Variants in MANBAL observed in about 807,000 individuals in gnomAD.
The protein encoded by MANBAL is protein MANBAL.
A neutral mutation model predicts 6.4 loss-of-function variants in MANBAL; 1 was observed. The observed-to-expected ratio is 0.16, with a 90% CI of 0.06 to 0.74. The LOEUF (loss-of-function observed/expected upper bound fraction) is 0.74. Among genes scored for constraint, MANBAL ranks in the 30% least tolerant of loss-of-function variants. The pLI is 0.78. For synonymous variants in MANBAL, 47 were observed against 45.8 expected (o/e 1.03, Z -0.10); for missense variants, 100 against 107.8 (o/e 0.93, Z 0.32).
chr20:37,299,231 C>T (rs1436366988), intron 1 of MANBAL, among the ~76,000 whole-genome samples: 1 of 151,908 alleles, frequency 6.6e-6, no homozygotes, highest in Non-Finnish European at 1.5e-5. Context: ...GAGTGAGCCA[C>T]CACTCCTGCC....
intron 2 of MANBAL, among the ~76,000 whole-genome samples, chr20:37,301,782 AC>A (rs2069143248): frequency 6.6e-6 from 1 of 152,164 alleles, no homozygotes; most frequent in African/African-American, 2.4e-5. Flanking sequence ...ACCTGATCTT[AC>A]CCTGGGCTGT....
Position 37,317,219 on chromosome 20 carries a change from T to C in MANBAL, c.*804T>C, listed in dbSNP as rs2069542923. 6.5e-6 allele frequency: 1 copy of C among 152,674 alleles called. No homozygotes were observed. Among genetic ancestry groups the C allele is most frequent in the African/African-American group, 2.4e-5 (1 of 41,442 alleles). The allele number at this position is 152,674 out of a possible 1,614,324, so 9.5% of individuals were successfully genotyped here. ...ATTCCCTGACCAGTGAGAGGGTTCCTGGGGGAAGTATGGTGAATAAACTGA... is the reference window on the plus strand; with the variant it reads ...ATTCCCTGACCAGTGAGAGGGTTCCCGGGGGAAGTATGGTGAATAAACTGA... On this transcript the variant is annotated 3_prime_UTR_variant, in exon 3 of 3. Transcript: ENST00000373606.
intron 1 of MANBAL, among the ~76,000 whole-genome samples, chr20:37,295,594 G>A (rs1274228148): frequency 6.6e-6 from 1 of 152,154 alleles, no homozygotes; most frequent in Non-Finnish European, 1.5e-5. Context: ...CTGGGTAAGC[G>A]CCCTGACTCT....
chr20:37,293,197 CT>C, intron 1 of MANBAL, among the ~76,000 whole-genome samples: 1 of 152,214 alleles, frequency 6.6e-6, no homozygotes, highest in South Asian at 2.1e-4. Flanking sequence ...TTATTGTGCA[CT>C]TTATTTCTGT....
At chr20:37,314,213 G>T (rs2069452805) in intron 2 of MANBAL, among the ~76,000 whole-genome samples, 1 of 152,184 alleles carries the variant, frequency 6.6e-6, no homozygotes. Flanking sequence ...ACAGTGGGGA[G>T]CAGAGAGAGG....
intron 2 of MANBAL, among the ~76,000 whole-genome samples, chr20:37,303,554 C>T (rs918982447): frequency 1.3e-5 from 2 of 152,124 alleles, no homozygotes; most frequent in African/African-American, 2.4e-5. Context: ...GATGTATCTG[C>T]TAGATCCTAC....
intron 1 of MANBAL, among the ~76,000 whole-genome samples, chr20:37,300,606 CAACAA>C (rs769753504): frequency 6.6e-6 from 1 of 152,146 alleles, no homozygotes. Context: ...AATAAATAAA[CAACAA>C]AACCTGAAAC....
At chr20:37,292,137 T>C (rs1414403464) in intron 1 of MANBAL, among the ~76,000 whole-genome samples, 1 of 152,240 alleles carries the variant, frequency 6.6e-6, no homozygotes, top group Non-Finnish European at 1.5e-5. Flanking sequence ...CACTGTACTT[T>C]TGGAGAAAGT....
chr20:37,302,901 A>G (rs951865389), intron 2 of MANBAL, among the ~76,000 whole-genome samples: 5 of 152,040 alleles, frequency 3.3e-5, no homozygotes. Context: ...TGGTTCAATA[A>G]GATGTCACAG....
At chr20:37,312,369 T>G (rs1439608151) in intron 2 of MANBAL, among the ~76,000 whole-genome samples, 4 of 152,068 alleles carry the variant, frequency 2.6e-5, no homozygotes, top group Non-Finnish European at 5.9e-5. Context: ...GAGAGTAGAT[T>G]TCATAGTTAA....
chr20:37,297,652 T>C (rs1484560611), intron 1 of MANBAL: 2 of 155,618 alleles, frequency 1.3e-5, no homozygotes, highest in African/African-American at 4.8e-5. Context: ...AGGCCTTTTT[T>C]TTTTTTTGAG....
At chr20:37,307,139 AT>A (rs1314772803) in intron 2 of MANBAL, among the ~76,000 whole-genome samples, 1 of 151,924 alleles carries the variant, frequency 6.6e-6, no homozygotes, top group Non-Finnish European at 1.5e-5. Context: ...TTTTTAAATA[AT>A]TTTTTTGTAG....
intron 2 of MANBAL, among the ~76,000 whole-genome samples, chr20:37,310,583 A>G (rs1341934738): frequency 6.6e-6 from 1 of 152,246 alleles, no homozygotes; most frequent in Non-Finnish European, 1.5e-5. Flanking sequence ...TAGAGTGGAA[A>G]TCATAAAATT....
chr20:37,301,468 T>G, intron 2 of MANBAL, 55 bp downstream of exon 2: 2 of 1,585,174 alleles, frequency 1.3e-6, no homozygotes, highest in Non-Finnish European at 1.7e-6. Flanking sequence ...GGGTTCTGAG[T>G]ACTAACAGTA....
chr20:37,302,368 G>T, intron 2 of MANBAL: 1 of 1,548,394 alleles, frequency 6.5e-7, no homozygotes, highest in African/African-American at 1.4e-5. Flanking sequence ...CTACTGTGTG[G>T]CATCAACAAG....
intron 2 of MANBAL, among the ~76,000 whole-genome samples, chr20:37,307,970 G>C (rs1334842860): frequency 6.6e-6 from 1 of 152,178 alleles, no homozygotes; most frequent in Non-Finnish European, 1.5e-5. Context: ...AGGGCCTCCG[G>C]AAGTGGTGGG....
At chr20:37,311,867 G>A (rs2069396581) in intron 2 of MANBAL, among the ~76,000 whole-genome samples, 2 of 152,228 alleles carry the variant, frequency 1.3e-5, no homozygotes, top group East Asian at 1.9e-4. Context: ...AGAGGCACGG[G>A]CAGGAGAGTC....
chr20:37,294,958 C>T (rs908570968), intron 1 of MANBAL, among the ~76,000 whole-genome samples: 1 of 152,190 alleles, frequency 6.6e-6, no homozygotes, highest in African/African-American at 2.4e-5. Flanking sequence ...TTATTTGCCA[C>T]GTTCAGTAAT....
In MANBAL at chr20:37,307,848, A is replaced by G. The variant is rs553249210; in HGVS notation, c.150+6435A>G. Among the ~76,000 whole-genome samples, 163 of 152,314 alleles carry G rather than the reference A, an allele frequency of 1.1e-3. 1 individual carries two copies. The highest frequency in any genetic ancestry group is 3.6e-3 in the African/African-American group (151 of 41,574). Reference sequence around the variant, plus strand: ...AGTTTTGCAAGGGAAATGAAGATCCAGGAAAGACGTGAACTTGGAGCATAC... The same window carrying G: ...AGTTTTGCAAGGGAAATGAAGATCCGGGAAAGACGTGAACTTGGAGCATAC... On this transcript the variant is annotated intron_variant, in intron 2 of 2. Coordinates refer to ENST00000373606, the MANE Select transcript of MANBAL (RefSeq NM_001003897.2).
Sources: allele counts gnomAD v4.1 joint callset (sites outside exome capture counted in the v4.1 genomes callset), GRCh38; gene constraint gnomAD v4.1.1; transcripts MANE v1.5; gene names NCBI Gene and HGNC (gene_info 2026-07-23, HGNC 2026-07-21).